KALRN: variants seen among roughly 807,000 people sequenced by gnomAD.
KALRN encodes kalirin RhoGEF kinase.
In KALRN, 70 loss-of-function variants were observed where a neutral mutation model predicts 353.7. The observed-to-expected ratio is 0.20, with a 90% CI of 0.16 to 0.24. KALRN has a LOEUF of 0.24. KALRN is among the 10% of genes least tolerant of loss of function. The pLI, the probability that KALRN is intolerant of heterozygous loss-of-function variation, is 1.00. For synonymous variants in KALRN, 1,391 were observed against 1,434.8 expected, an observed-to-expected ratio of 0.97 and a Z score of 0.69; for missense variants, 2,791 against 3,756.7, an observed-to-expected ratio of 0.74 and a Z score of 6.72.
At chr3:124,303,740 G>A (rs1000292475) in intron 6 of KALRN, among the ~76,000 whole-genome samples, 2 of 152,082 alleles carry the variant, frequency 1.3e-5, no homozygotes. Context: ...TGTGCAGCTG[G>A]GCGGGAGGAA....
At position 124,325,896 on chromosome 3, in the gene KALRN, C is replaced by T. The variant is rs1489969531; in HGVS notation, c.1093-84C>T. On this transcript the variant is annotated intron_variant, in intron 6 of 59. Coordinates refer to ENST00000682506, the MANE Select transcript of KALRN (RefSeq NM_001388419.1). ...CTCAGACTTTTGTTTTGGGCAGCTC[C>T]CTTCCCCAAATATGTACCCCACGAA... is the stretch of plus-strand genomic sequence containing the variant. The T allele has an allele frequency of 9.3e-6, 11 of 1,181,606 alleles. No homozygotes were observed. In the African/African-American group the frequency reaches 1.5e-4, roughly 16 times the overall value. 73.2% of individuals were successfully genotyped at this position (1,181,606 alleles called of 1,614,324 possible).
intron 1 of KALRN, among the ~76,000 whole-genome samples, chr3:124,143,373 A>G (rs1203266254): frequency 6.6e-6 from 1 of 152,130 alleles, no homozygotes; most frequent in Non-Finnish European, 1.5e-5. Context: ...GTACCAGTCT[A>G]ATGGGGCTTT....
At position 124,110,115 on chromosome 3, in the gene KALRN, GAT is replaced by G. The variant is rs72407745; in HGVS notation, c.73+76311_73+76312del. Among the ~76,000 whole-genome samples, 60 of 7,718 alleles carry G rather than the reference GAT, an allele frequency of 7.8e-3. 1 individual carries two copies. Among genetic ancestry groups the G allele is most frequent in the African/African-American group, 0.022 (33 of 1,490 alleles). 5.1% of individuals were successfully genotyped at this position (7,718 alleles called of 152,430 possible). A position where few individuals can be genotyped will look rare whatever the true frequency, so the allele number is the denominator to read the frequency against. ...ATATATGACATATATGTCATACTTT[GAT>G]ATATATATGACATATATGTCATACT... On this transcript the variant is annotated intron_variant, in intron 1 of 59. Coordinates refer to ENST00000682506, the MANE Select transcript of KALRN (RefSeq NM_001388419.1).
At chr3:124,544,660 A>G (rs1216783978) in intron 33 of KALRN, among the ~76,000 whole-genome samples, 1 of 152,094 alleles carries the variant, frequency 6.6e-6, no homozygotes, top group Non-Finnish European at 1.5e-5. Flanking sequence ...AGATCTCACT[A>G]TGTAACATCT....
At chr3:124,628,381 CTCCT>C (rs370975638) in intron 34 of KALRN, among the ~76,000 whole-genome samples, 1,865 of 18,248 alleles carry the variant, frequency 0.1, 81 homozygotes, top group East Asian at 0.25. Context: ...CCCTCCTTCC[CTCCT>C]TCCTTCCTTC....
At chr3:124,512,208 G>A (rs553863750) in intron 33 of KALRN, among the ~76,000 whole-genome samples, 1 of 152,312 alleles carries the variant, frequency 6.6e-6, no homozygotes, top group Admixed American at 6.5e-5. Context: ...CTGGCCATTA[G>A]GCCAGTGACA....
Position 124,725,077 on chromosome 3 carries a change from A to G in KALRN, c.*5607A>G, listed in dbSNP as rs2150875472. On this transcript the variant is annotated 3_prime_UTR_variant, in exon 60 of 60. Coordinates refer to ENST00000682506, the MANE Select transcript of KALRN (RefSeq NM_001388419.1). ...AATGCCAACTCCTGAGGCTTAGTTT[A>G]ACCAAGCTAATTTGTTGGCCCAGGG... The G allele has an allele frequency of 6.6e-6, 1 of 152,342 alleles. No homozygotes were observed. Among genetic ancestry groups the G allele is most frequent in the East Asian group, 1.9e-4 (1 of 5,188 alleles). 9.4% of individuals were successfully genotyped at this position (152,342 alleles called of 1,614,324 possible). A position where few individuals can be genotyped will look rare whatever the true frequency, so the allele number is the denominator to read the frequency against.
At chr3:124,174,541 A>C (rs2072382793) in intron 1 of KALRN, among the ~76,000 whole-genome samples, 1 of 152,210 alleles carries the variant, frequency 6.6e-6, no homozygotes, top group Non-Finnish European at 1.5e-5. Flanking sequence ...CTCCCAAGCC[A>C]AGCTCCCTTC....
chr3:124,411,953 A>G (rs1406150081), intron 13 of KALRN, among the ~76,000 whole-genome samples: 1 of 152,108 alleles, frequency 6.6e-6, no homozygotes, highest in Non-Finnish European at 1.5e-5. Context: ...ATTGACCTGA[A>G]AAGATGTGGG....
At chr3:124,409,542 G>A (rs1381533555) in intron 13 of KALRN, among the ~76,000 whole-genome samples, 2 of 152,110 alleles carry the variant, frequency 1.3e-5, no homozygotes, top group Non-Finnish European at 2.9e-5. Context: ...GGCGTTTCAG[G>A]GCTATTAGGC....
chr3:124,395,641 A>G (rs1430549509), intron 12 of KALRN: 2 of 380,066 alleles, frequency 5.3e-6, no homozygotes, highest in African/African-American at 2.1e-5. Flanking sequence ...AAAGTAAAAA[A>G]TAATTAAGAA....
intron 34 of KALRN, chr3:124,584,609 C>T: frequency 7.1e-7 from 1 of 1,401,648 alleles, no homozygotes; most frequent in Non-Finnish European, 9.2e-7. Flanking sequence ...GAACTCCGCC[C>T]CTTAGGCCCT....
chr3:124,044,320 T>C (rs1419686606), intron 1 of KALRN, among the ~76,000 whole-genome samples: 1 of 152,156 alleles, frequency 6.6e-6, no homozygotes, highest in Non-Finnish European at 1.5e-5. Context: ...TTATCTACCC[T>C]AGAACACAAG....
intron 5 of KALRN, among the ~76,000 whole-genome samples, chr3:124,281,712 A>G (rs2075363154): frequency 6.6e-6 from 1 of 152,158 alleles, no homozygotes; most frequent in African/African-American, 2.4e-5. Context: ...GTTCCATGCC[A>G]TCTAGCATTA....
At chr3:124,612,712 C>G (rs114036211) in intron 34 of KALRN, among the ~76,000 whole-genome samples, 1 of 152,102 alleles carries the variant, frequency 6.6e-6, no homozygotes, top group Non-Finnish European at 1.5e-5. Flanking sequence ...TTATCTGACT[C>G]CCTCTCTACC....
intron 13 of KALRN, among the ~76,000 whole-genome samples, chr3:124,401,768 AT>A (rs1576611100): frequency 1.3e-5 from 2 of 152,186 alleles, no homozygotes; most frequent in Non-Finnish European, 2.9e-5. Context: ...AGAATGCTAC[AT>A]CTAATCTTAG....
At chr3:124,298,358 T>C (rs767692386) in intron 5 of KALRN, among the ~76,000 whole-genome samples, 4 of 152,142 alleles carry the variant, frequency 2.6e-5, no homozygotes, top group Non-Finnish European at 5.9e-5. Flanking sequence ...GGCTGGGCAG[T>C]GTATAAGGGG....
intron 1 of KALRN, among the ~76,000 whole-genome samples, chr3:124,137,658 A>G (rs1253205090): frequency 1.3e-5 from 2 of 152,194 alleles, no homozygotes; most frequent in Non-Finnish European, 1.5e-5. Context: ...AGTTTCTCCA[A>G]GGAGTCCTTA....
chr3:124,526,580 A>G (rs1195143252), intron 33 of KALRN, among the ~76,000 whole-genome samples: 1 of 152,160 alleles, frequency 6.6e-6, no homozygotes, highest in African/African-American at 2.4e-5. Flanking sequence ...GTCTCAAAAA[A>G]TAATAATAAT....
Sources: allele counts gnomAD v4.1 joint callset (sites outside exome capture counted in the v4.1 genomes callset), GRCh38; gene constraint gnomAD v4.1.1; transcripts MANE v1.5; gene names NCBI Gene and HGNC (gene_info 2026-07-23, HGNC 2026-07-21).